BABAM2: variants seen among roughly 807,000 people sequenced by gnomAD.
BABAM2 encodes the protein BRISC and BRCA1 A complex member 2.
Under a neutral mutation model 54.7 loss-of-function variants are expected in BABAM2, and 31 were observed. The ratio of observed to expected loss-of-function variants is 0.57; its 90% CI spans 0.43 to 0.77. The LOEUF is 0.77. Among genes scored for constraint, BABAM2 ranks in the 30% least tolerant of loss-of-function variants. BABAM2 has a pLI of 0.00. For synonymous variants in BABAM2, 167 were observed against 162.9 expected (o/e 1.03, Z -0.19); for missense variants, 364 against 455.8 (o/e 0.80, Z 1.83).
chr2:28,123,914 T>TTG (rs1669283028), intron 6 of BABAM2, among the ~76,000 whole-genome samples: 1 of 152,200 alleles, frequency 6.6e-6, no homozygotes, highest in Non-Finnish European at 1.5e-5. Context: ...GTTTGGAGGA[T>TTG]TGTCTCTAAG....
intron 10 of BABAM2, among the ~76,000 whole-genome samples, chr2:28,263,477 T>C (rs988333300): frequency 2.0e-5 from 3 of 152,250 alleles, no homozygotes; most frequent in African/African-American, 7.2e-5. Flanking sequence ...CCAATCCATG[T>C]GCTGGGGCAC....
intron 7 of BABAM2, among the ~76,000 whole-genome samples, chr2:28,157,492 G>A (rs536158272): frequency 3.3e-5 from 5 of 152,284 alleles, no homozygotes; most frequent in African/African-American, 9.6e-5. Flanking sequence ...TTTGATAGCA[G>A]CAAAAATAGA....
chr2:28,278,890 G>A (rs1362522105), intron 10 of BABAM2, among the ~76,000 whole-genome samples: 1 of 152,196 alleles, frequency 6.6e-6, no homozygotes, highest in African/African-American at 2.4e-5. Flanking sequence ...CAGTAATGAT[G>A]GTGCCCATTG....
intron 10 of BABAM2, among the ~76,000 whole-genome samples, chr2:28,276,007 C>CAAAAAA (rs534951884): frequency 2.7e-5 from 3 of 110,972 alleles, no homozygotes; most frequent in African/African-American, 1.0e-4. Context: ...ATTTTTATCT[C>CAAAAAA]AAAAAAAAAA....
intron 8 of BABAM2, among the ~76,000 whole-genome samples, 180 bp downstream of exon 8, chr2:28,237,481 G>T (rs1215178434): frequency 6.6e-6 from 1 of 151,866 alleles, no homozygotes; most frequent in African/African-American, 2.4e-5. Flanking sequence ...CCATTTCTTT[G>T]CCCTCCTTCT....
At chr2:28,068,498 A>T (rs1322863698) in intron 6 of BABAM2, among the ~76,000 whole-genome samples, 1 of 152,226 alleles carries the variant, frequency 6.6e-6, no homozygotes, top group African/African-American at 2.4e-5. Context: ...GATTCTGTCA[A>T]GACAATTTGA....
At chr2:28,026,876 A>ATATATATAGATATATATT (rs1558667360) in intron 5 of BABAM2, among the ~76,000 whole-genome samples, 32 of 56,148 alleles carry the variant, frequency 5.7e-4, no homozygotes, top group African/African-American at 2.2e-3. Flanking sequence ...ATATATATTT[A>ATATATATAGATATATATT]TATATATATA....
At chr2:28,241,455 A>G (rs922424227) in intron 9 of BABAM2, 62 bp downstream of exon 9, 8 of 1,480,368 alleles carry the variant, frequency 5.4e-6, no homozygotes, top group East Asian at 2.3e-5. Flanking sequence ...TGACCTCAAC[A>G]TGGGGGCTTG....
At chr2:28,010,174 C>T (rs1299621125) in intron 4 of BABAM2, among the ~76,000 whole-genome samples, 2 of 151,982 alleles carry the variant, frequency 1.3e-5, no homozygotes, top group Admixed American at 1.3e-4. Context: ...ATAAGTTTCA[C>T]TTGATTACCC....
intron 7 of BABAM2, among the ~76,000 whole-genome samples, chr2:28,147,765 G>T (rs549606476): frequency 2.0e-5 from 3 of 152,114 alleles, no homozygotes; most frequent in Admixed American, 6.5e-5. Flanking sequence ...GAGCCACTGC[G>T]CCCGGCCTCC....
intron 2 of BABAM2, among the ~76,000 whole-genome samples, chr2:27,915,603 C>G (rs1208513802): frequency 6.6e-6 from 1 of 152,180 alleles, no homozygotes; most frequent in African/African-American, 2.4e-5. Flanking sequence ...CCCTGTAGTT[C>G]CAGATATGCT....
chr2:28,168,018 A>G (rs1174449039), intron 7 of BABAM2, among the ~76,000 whole-genome samples: 3 of 152,136 alleles, frequency 2.0e-5, no homozygotes, highest in East Asian at 1.9e-4. Context: ...GCCAAGTTCT[A>G]TTTATCTGAA....
At chr2:28,205,922 G>A (rs111429188) in intron 7 of BABAM2, among the ~76,000 whole-genome samples, 3,451 of 152,174 alleles carry the variant, frequency 0.023, 128 homozygotes, top group African/African-American at 0.078. Context: ...TTGCTGGCTT[G>A]CTTTTCAAAT....
chr2:28,201,710 C>T (rs111917093), intron 7 of BABAM2, among the ~76,000 whole-genome samples: 2 of 152,292 alleles, frequency 1.3e-5, no homozygotes, highest in East Asian at 1.9e-4. Context: ...GTCTCATCTC[C>T]GCTTCGTAGC....
intron 3 of BABAM2, among the ~76,000 whole-genome samples, chr2:27,951,250 C>A (rs1229006119): frequency 6.6e-6 from 1 of 152,032 alleles, no homozygotes; most frequent in African/African-American, 2.4e-5. Flanking sequence ...TGAGATCTTT[C>A]TTTTTTCCTA....
At chr2:28,258,726 C>G (rs1684211379) in intron 10 of BABAM2, among the ~76,000 whole-genome samples, 1 of 150,472 alleles carries the variant, frequency 6.6e-6, no homozygotes, top group Non-Finnish European at 1.5e-5. Flanking sequence ...GTTCCTCCCA[C>G]TTCAGCCTCC....
At chr2:27,929,321 C>T (rs1449020651) in intron 2 of BABAM2, among the ~76,000 whole-genome samples, 1 of 152,162 alleles carries the variant, frequency 6.6e-6, no homozygotes, top group African/African-American at 2.4e-5. Context: ...TTGTGCTTTC[C>T]TGCAGATGAA....
chr2:27,992,651 G>C (rs1243665875), intron 4 of BABAM2, among the ~76,000 whole-genome samples: 1 of 152,172 alleles, frequency 6.6e-6, no homozygotes, highest in Non-Finnish European at 1.5e-5. Context: ...AATTATTGTA[G>C]GTTGGAATTT....
Position 28,105,193 on chromosome 2 carries a change from CATAATA to C in BABAM2, c.571-24070_571-24065del, listed in dbSNP as rs1201774660. Among the ~76,000 whole-genome samples, 8 of 151,646 alleles carry C rather than the reference CATAATA, an allele frequency of 5.3e-5. No homozygotes were observed. The South Asian group carries it at 1.7e-3, about 32-fold the overall frequency. ...CCCTAGAACTTAAAGTATAATAAAA[CATAATA>C]ATAATAAAGTAAATTCAGTTTGTGA... is the stretch of plus-strand genomic sequence containing the variant. On this transcript the variant is annotated intron_variant, in intron 6 of 11. Transcript: ENST00000379624.
Sources: allele counts gnomAD v4.1 joint callset (sites outside exome capture counted in the v4.1 genomes callset), GRCh38; gene constraint gnomAD v4.1.1; transcripts MANE v1.5; gene names NCBI Gene and HGNC (gene_info 2026-07-23, HGNC 2026-07-21).